The following BMP8A variants were observed in gnomAD, a reference collection of about 807,000 sequenced individuals.
BMP8A encodes BMP-8A.
BMP8A carries 14 observed loss-of-function variants against 36.8 expected under a neutral mutation model. The ratio of observed to expected loss-of-function variants is 0.38; its 90% CI spans 0.25 to 0.60. BMP8A has a LOEUF of 0.60. BMP8A is among the 20% of genes least tolerant of loss of function. The pLI, the probability that BMP8A is intolerant of heterozygous loss-of-function variation, is 0.63. For synonymous variants in BMP8A, 120 were observed against 237.7 expected (o/e 0.50, Z 4.55); for missense variants, 267 against 551.1 (o/e 0.48, Z 5.16).
intron 1 of BMP8A, among the ~76,000 whole-genome samples, chr1:39,506,545 A>T (rs768637739): frequency 5.3e-5 from 8 of 152,034 alleles, no homozygotes; most frequent in Non-Finnish European, 1.0e-4. Flanking sequence ...TTGGTTATGT[A>T]AGAAGCTGTC....
chr1:39,491,921 C>T lies in BMP8A; in HGVS notation c.-71C>T, dbSNP rs1645161465. The T allele has an allele frequency of 9.6e-7, 1 of 1,043,124 alleles. No individual in the cohort carries two copies. The highest frequency in any genetic ancestry group is 4.5e-5 in the South Asian group (1 of 22,086). 64.6% of individuals were successfully genotyped at this position (1,043,124 alleles called of 1,614,324 possible). On this transcript the variant is annotated 5_prime_UTR_variant, in exon 1 of 7. Coordinates refer to ENST00000331593, the MANE Select transcript of BMP8A (RefSeq NM_181809.4). ...TCGCCGAACTCAGCTCCCCGTTCGC[C>T]GTCGGGGCGTCCCCGGGCCCAGGGG...
At chr1:39,501,633 T>A (rs1645254576) in intron 1 of BMP8A, among the ~76,000 whole-genome samples, 1 of 152,160 alleles carries the variant, frequency 6.6e-6, no homozygotes, top group Admixed American at 6.5e-5. Context: ...CTGGCTAATT[T>A]AAAAAACTTT....
intron 1 of BMP8A, among the ~76,000 whole-genome samples, chr1:39,502,928 C>A (rs917262849): frequency 6.6e-6 from 1 of 152,146 alleles, no homozygotes; most frequent in Admixed American, 6.5e-5. Flanking sequence ...CACCTGTAGT[C>A]CCAACTACTC....
rs1331654465 is a variant in BMP8A at position 39,521,315 on chromosome 1, G to A, written c.674-61G>A. ...CTGCCCAGGCCCCGGCAGAGAGACCGCTGCTGTGTCTGCTGCAGGGCCGCT... is the reference window on the plus strand; with the variant it reads ...CTGCCCAGGCCCCGGCAGAGAGACCACTGCTGTGTCTGCTGCAGGGCCGCT... On this transcript the variant is annotated intron_variant, in intron 3 of 6. Transcript: ENST00000331593. 12 of 1,058,708 alleles carry A rather than the reference G, an allele frequency of 1.1e-5. 2 individuals carry two copies. Among genetic ancestry groups the A allele is most frequent in the Non-Finnish European group, 1.4e-5 (11 of 798,558 alleles). 65.6% of individuals were successfully genotyped at this position (1,058,708 alleles called of 1,614,324 possible). A position where few individuals can be genotyped will look rare whatever the true frequency, so the allele number is the denominator to read the frequency against.
chr1:39,495,489 C>G (rs1177124848), intron 1 of BMP8A, among the ~76,000 whole-genome samples: 5 of 145,716 alleles, frequency 3.4e-5, no homozygotes, highest in South Asian at 4.7e-4. Flanking sequence ...TCCCTGGTCT[C>G]TCTGTGCTCA....
At chr1:39,508,250 CAAA>C (rs59060705) in intron 1 of BMP8A, among the ~76,000 whole-genome samples, 12 of 136,736 alleles carry the variant, frequency 8.8e-5, no homozygotes, top group Non-Finnish European at 6.3e-5. Flanking sequence ...GACTCCGTCT[CAAA>C]AAAAAAAAAA....
At chr1:39,494,347 TTTTTC>T (rs1362954057) in intron 1 of BMP8A, among the ~76,000 whole-genome samples, 49 of 140,446 alleles carry the variant, frequency 3.5e-4, no homozygotes, top group African/African-American at 1.5e-3. Context: ...TCTTTTTTCT[TTTTTC>T]TTTTTTTTTT....
intron 3 of BMP8A, among the ~76,000 whole-genome samples, chr1:39,517,222 CTT>C (rs1645400986): frequency 6.6e-6 from 1 of 151,970 alleles, no homozygotes; most frequent in South Asian, 2.1e-4. Context: ...GTCTTGAACA[CTT>C]GAGCTCAAGC....
In BMP8A at chr1:39,497,547, C is replaced by T. The variant is rs78950129; in HGVS notation, c.334+5222C>T. On this transcript the variant is annotated intron_variant, in intron 1 of 6. Coordinates refer to ENST00000331593, the MANE Select transcript of BMP8A (RefSeq NM_181809.4). ...AAGGTGGGTCAGGGTTTCCATAAAT[C>T]TCTCTGCCCCTACCCCACAATCCCA... is the stretch of plus-strand genomic sequence containing the variant. Among the ~76,000 whole-genome samples the T allele has an allele frequency of 2.8e-3, 421 of 152,304 alleles. 1 individual carries two copies. The highest frequency in any genetic ancestry group is 6.8e-3 in the Middle Eastern group (2 of 294).
chr1:39,493,748 T>C (rs555795687), intron 1 of BMP8A, among the ~76,000 whole-genome samples: 34 of 152,260 alleles, frequency 2.2e-4, no homozygotes, highest in Admixed American at 2.6e-4. Context: ...AGGGTGGGGA[T>C]GTGGGACAGA....
intron 3 of BMP8A, chr1:39,514,947 G>C (rs1645383866): frequency 6.6e-7 from 1 of 1,507,660 alleles, no homozygotes; most frequent in South Asian, 1.3e-5. Context: ...CCTCCGACCC[G>C]GGCCGACTAT....
intron 1 of BMP8A, among the ~76,000 whole-genome samples, chr1:39,507,731 G>A (rs1293517352): frequency 6.6e-6 from 1 of 152,180 alleles, no homozygotes; most frequent in Non-Finnish European, 1.5e-5. Flanking sequence ...AAATGCTCCC[G>A]AATAGGGTGG....
At chr1:39,515,967 T>A in intron 3 of BMP8A, 1 of 1,427,490 alleles carries the variant, frequency 7.0e-7, no homozygotes, top group South Asian at 1.3e-5. Context: ...GAGAACGGGA[T>A]CCTGGGCCTG....
chr1:39,495,480 C>G (rs1645197250), intron 1 of BMP8A, among the ~76,000 whole-genome samples: 1 of 145,664 alleles, frequency 6.9e-6, no homozygotes, highest in Non-Finnish European at 1.5e-5. Context: ...TGGATTCTGT[C>G]CCTGGTCTCT....
chr1:39,503,289 G>C (rs1645268128), intron 1 of BMP8A, among the ~76,000 whole-genome samples: 1 of 152,104 alleles, frequency 6.6e-6, no homozygotes, highest in Non-Finnish European at 1.5e-5. Context: ...GATCCCTTGA[G>C]CCCTGGGAGG....
intron 3 of BMP8A, chr1:39,515,861 G>A: frequency 6.3e-7 from 1 of 1,578,034 alleles, no homozygotes; most frequent in Non-Finnish European, 8.6e-7. Context: ...CGCAGCTCTG[G>A]AATTTGAGGA....
intron 3 of BMP8A, among the ~76,000 whole-genome samples, chr1:39,517,161 A>T (rs1489894853): frequency 2.7e-5 from 4 of 150,420 alleles, no homozygotes; most frequent in Non-Finnish European, 4.4e-5. Context: ...ATTTTTTTTT[A>T]TTTTTTAAAT....
chr1:39,517,475 C>G (rs1645402306), intron 3 of BMP8A, among the ~76,000 whole-genome samples: 3 of 151,776 alleles, frequency 2.0e-5, no homozygotes, highest in Non-Finnish European at 4.4e-5. Context: ...GCCACCATGC[C>G]TAGCTAATTT....
At chr1:39,509,925 G>C (rs972859171) in intron 1 of BMP8A, among the ~76,000 whole-genome samples, 8 of 152,224 alleles carry the variant, frequency 5.3e-5, no homozygotes, top group Non-Finnish European at 1.0e-4. Context: ...AGCGTCCTGG[G>C]TATTTCCGGA....
Sources: allele counts gnomAD v4.1 joint callset (sites outside exome capture counted in the v4.1 genomes callset), GRCh38; gene constraint gnomAD v4.1.1; transcripts MANE v1.5; gene names NCBI Gene and HGNC (gene_info 2026-07-23, HGNC 2026-07-21).